ALPK1: variants seen among roughly 807,000 people sequenced by gnomAD.
ALPK1 encodes alpha kinase 1.
In ALPK1, 110 loss-of-function variants were observed where a neutral mutation model predicts 120.6. The observed-to-expected ratio is 0.91, with a 90% CI of 0.78 to 1.07. The LOEUF (loss-of-function observed/expected upper bound fraction) is 1.07, where lower values mean the gene tolerates loss of function less well. Ranked by LOEUF, ALPK1 falls within the 50% of genes least tolerant of loss-of-function variation. The probability of loss-of-function intolerance (pLI) is 0.00; values close to 1 mark genes in which losing one functional copy is unlikely to be tolerated. For missense variants in ALPK1, 1,498 were observed against 1,483.9 expected (o/e 1.01, Z -0.16); for synonymous variants, 582 against 560.3 (o/e 1.04, Z -0.55).
At chr4:112,304,002 T>A (rs573411619) in intron 1 of ALPK1, among the ~76,000 whole-genome samples, 1 of 152,140 alleles carries the variant, frequency 6.6e-6, no homozygotes, top group African/African-American at 2.4e-5. Context: ...ATGGGGTGTT[T>A]GGTTTTTTGT....
intron 5 of ALPK1, among the ~76,000 whole-genome samples, chr4:112,417,093 C>T (rs1022268742): frequency 1.3e-5 from 2 of 152,024 alleles, no homozygotes; most frequent in East Asian, 1.9e-4. Flanking sequence ...GTTTTGACCT[C>T]GGATTTTATA....
chr4:112,335,467 T>C (rs1190365445), intron 2 of ALPK1, among the ~76,000 whole-genome samples: 1 of 152,086 alleles, frequency 6.6e-6, no homozygotes, highest in Non-Finnish European at 1.5e-5. Flanking sequence ...TCTTGTAGTA[T>C]TGGATGTTCT....
At chr4:112,307,012 A>C (rs762322985) in intron 1 of ALPK1, among the ~76,000 whole-genome samples, 1 of 152,116 alleles carries the variant, frequency 6.6e-6, no homozygotes, top group Non-Finnish European at 1.5e-5. Context: ...TTATGTACCC[A>C]GTAGTCATTC....
At chr4:112,409,761 G>A (rs953962695) in intron 4 of ALPK1, among the ~76,000 whole-genome samples, 4 of 152,122 alleles carry the variant, frequency 2.6e-5, no homozygotes, top group African/African-American at 9.7e-5. Flanking sequence ...GAAGTAGAGT[G>A]GGGAAAGTGA....
intron 12 of ALPK1, among the ~76,000 whole-genome samples, chr4:112,436,450 C>T (rs373229811): frequency 2.0e-5 from 3 of 152,114 alleles, no homozygotes; most frequent in Non-Finnish European, 2.9e-5. Context: ...CTTCAGACTA[C>T]GATCTTACTT....
rs1730786865 is a variant in ALPK1, at chr4:112,359,073, C to T, written c.-100-18605C>T. ...GCAGCGGACACAGCCAGCCCTGGAC[C>T]CCACTGGAAGGACAGCGCCGGATCC... On this transcript the variant is annotated intron_variant, in intron 2 of 15. Transcript: ENST00000650871. 3 of 752,332 alleles carry T rather than the reference C, an allele frequency of 4.0e-6. No individual in the cohort carries two copies. In the South Asian group the frequency reaches 4.0e-5, roughly 10 times the overall value. 46.6% of individuals were successfully genotyped at this position (752,332 alleles called of 1,614,324 possible). A position where few individuals can be genotyped will look rare whatever the true frequency, so the allele number is the denominator to read the frequency against.
At chr4:112,398,178 C>T (rs1732749743) in intron 4 of ALPK1, among the ~76,000 whole-genome samples, 1 of 151,920 alleles carries the variant, frequency 6.6e-6, no homozygotes, top group Admixed American at 6.6e-5. Flanking sequence ...GGAGGATGAG[C>T]AAAGAGTCTG....
Position 112,432,204 on chromosome 4 carries a change from A to G in ALPK1, c.2657A>G (p.Glu886Gly). 1 of 1,614,216 alleles carries G rather than the reference A, an allele frequency of 6.2e-7. No homozygotes were observed. Among genetic ancestry groups the G allele is most frequent in the Non-Finnish European group, 8.5e-7 (1 of 1,180,036 alleles). ...AGACAGCCGCCTGGTCAGAGGGCGG[A>G]GACCCCCAATTCCTCTGTAAGCGGT... ...ILRQPPGQRA[E>G]TPNSSVSGNI... The change falls in exon 11 of 16, where the codon GAG becomes GGG. Residue 886 changes from glutamate (E) to glycine (G), a missense_variant. Physicochemically the swap from Glu to Gly is moderately conservative, Grantham distance 98. Transcript: ENST00000650871.
rs763029486 is a variant in ALPK1 at position 112,382,433 on chromosome 4, G to A, written c.157G>A (p.Glu53Lys). The A allele has an allele frequency of 3.1e-6, 5 of 1,613,966 alleles. No homozygotes were observed. Among genetic ancestry groups the A allele is most frequent in the Admixed American group, 3.3e-5 (2 of 59,998 alleles). ...LPSELRTLIQ[E>K]AKEMKWPFVP... ...CAGCGAGTTAAGGACCCTGATCCAG[G>A]AGGCAAAGGAAATGAAGTGGCCCTT... is the stretch of plus-strand genomic sequence containing the variant. Residue 53 changes from glutamate to lysine, a missense_variant, in exon 4 of 16, where the codon GAG becomes AAG. Physicochemically the swap from Glu to Lys is moderately conservative, Grantham distance 56. Coordinates refer to ENST00000650871, the MANE Select transcript of ALPK1 (RefSeq NM_025144.4).
chr4:112,334,021 T>C lies in ALPK1; in HGVS notation c.-101+18169T>C, dbSNP rs547287425. Among the ~76,000 whole-genome samples, 105 of 152,338 alleles carry C rather than the reference T, an allele frequency of 6.9e-4. 3 individuals carry two copies. In the South Asian group the frequency reaches 0.021, roughly 30 times the overall value. On this transcript the variant is annotated intron_variant, in intron 2 of 15. Transcript: ENST00000650871. ...AGCAACACTGATGTATTGTTTGTTC[T>C]TTATTTTATAATTTTTACAAATGTA...
In ALPK1 at chr4:112,431,575, T is replaced by G; in HGVS notation, c.2028T>G (p.Pro676=). 1 of 1,614,202 alleles carries G rather than the reference T, an allele frequency of 6.2e-7. No individual in the cohort carries two copies. Among genetic ancestry groups the G allele is most frequent in the Non-Finnish European group, 8.5e-7 (1 of 1,180,042 alleles). Residue 676 remains proline (P), a synonymous_variant, in exon 11 of 16, where the codon CCT becomes CCG. Transcript: ENST00000650871. The stretch of plus-strand genomic sequence containing the variant: ...AGATGCCCTTGACACCCTTCTCGCC[T>G]CATAATACCCCAGGCATTTTCTTGG... The part of the protein sequence containing the change: ...QQQMPLTPFS[P]HNTPGIFLAP...
intron 2 of ALPK1, among the ~76,000 whole-genome samples, chr4:112,344,058 AG>A (rs1729997748): frequency 1.3e-5 from 2 of 152,164 alleles, no homozygotes; most frequent in African/African-American, 2.4e-5. Flanking sequence ...CTTCCGAGAG[AG>A]GCTTTTTGAT....
chr4:112,410,461 TG>T (rs1236509521), intron 4 of ALPK1, among the ~76,000 whole-genome samples: 2 of 152,228 alleles, frequency 1.3e-5, no homozygotes, highest in Non-Finnish European at 2.9e-5. Context: ...GCACTGTGCC[TG>T]GCACCTGGTT....
intron 5 of ALPK1, among the ~76,000 whole-genome samples, chr4:112,420,454 T>C (rs1327037701): frequency 1.3e-5 from 2 of 152,170 alleles, no homozygotes; most frequent in African/African-American, 4.8e-5. Context: ...AAGCTTAAGA[T>C]CTTATCCTCT....
At chr4:112,349,943 A>T (rs1351042201) in intron 2 of ALPK1, among the ~76,000 whole-genome samples, 7 of 152,136 alleles carry the variant, frequency 4.6e-5, no homozygotes, top group African/African-American at 1.7e-4. Context: ...TCCAGAAGAA[A>T]TTCACTATTA....
intron 2 of ALPK1, among the ~76,000 whole-genome samples, chr4:112,323,078 T>G (rs1728932054): frequency 6.6e-6 from 1 of 152,192 alleles, no homozygotes; most frequent in Non-Finnish European, 1.5e-5. Flanking sequence ...TCTTTGCTCT[T>G]GCTGTGCCCC....
intron 4 of ALPK1, among the ~76,000 whole-genome samples, chr4:112,405,035 T>C (rs565055384): frequency 4.9e-4 from 75 of 152,314 alleles, no homozygotes; most frequent in Non-Finnish European, 4.6e-4. Context: ...GGTGGCTTTT[T>C]CCCCAGCTTT....
intron 1 of ALPK1, among the ~76,000 whole-genome samples, chr4:112,307,434 C>G (rs1387832602): frequency 6.6e-6 from 1 of 151,978 alleles, no homozygotes; most frequent in East Asian, 1.9e-4. Flanking sequence ...TCTGGGTGCT[C>G]CTGTATTGAG....
intron 5 of ALPK1, chr4:112,414,311 G>A (rs1325449681): frequency 2.0e-6 from 1 of 493,616 alleles, no homozygotes; most frequent in Non-Finnish European, 4.0e-6. Context: ...TCAGAAGCAA[G>A]AGAAGACCCA....
Sources: gnomAD v4.1 joint callset for allele counts (sites outside exome capture counted in the v4.1 genomes callset) on GRCh38, gnomAD v4.1.1 for gene constraint, MANE v1.5 for transcripts, NCBI Gene and HGNC (gene_info 2026-07-23, HGNC 2026-07-21) for gene names.